The following MAPK10 variants were observed in gnomAD, a reference collection of about 807,000 sequenced individuals.
The protein encoded by MAPK10 is JNK3 alpha protein kinase.
MAPK10 carries 25 observed loss-of-function variants against 59.3 expected under a neutral mutation model. The ratio of observed to expected loss-of-function variants is 0.42; its 90% confidence interval spans 0.31 to 0.59. The LOEUF is 0.59. MAPK10 is among the 20% of genes least tolerant of loss of function. The probability of loss-of-function intolerance (pLI) is 0.15; values close to 1 mark genes in which losing one functional copy is unlikely to be tolerated. For missense variants in MAPK10, 351 were observed against 568.9 expected (o/e 0.62, Z 3.90); for synonymous variants, 190 against 200.5 (o/e 0.95, Z 0.44).
chr4:86,444,738 C>A (rs1366717744), intron 1 of MAPK10, among the ~76,000 whole-genome samples: 1 of 151,448 alleles, frequency 6.6e-6, no homozygotes. Flanking sequence ...AAAAACAACC[C>A]TATCAAAAAG....
Position 86,413,811 on chromosome 4 carries a change from G to A in MAPK10, c.-122+39219C>T, listed in dbSNP as rs556840455. Among the ~76,000 whole-genome samples the A allele has an allele frequency of 1.7e-3, 264 of 152,260 alleles. 2 individuals are homozygous for A. Among genetic ancestry groups the A allele is most frequent in the Non-Finnish European group, 3.2e-3 (220 of 68,032 alleles). ...GGTCAGGAGTGTACCATTTCTCCAG[G>A]TACAGTCTGTCATGGCTTCCCTTGG... On this transcript the variant is annotated intron_variant, in intron 1 of 13. Coordinates refer to the MAPK10 transcript ENST00000361569.
chr4:86,333,668 A>G (rs1466340888), intron 2 of MAPK10, among the ~76,000 whole-genome samples: 1 of 152,120 alleles, frequency 6.6e-6, no homozygotes, highest in African/African-American at 2.4e-5. Flanking sequence ...AAAGCCCACA[A>G]TCTCTGAAGC....
At chr4:86,184,866 ATTTC>A in intron 3 of MAPK10, among the ~76,000 whole-genome samples, 1 of 152,220 alleles carries the variant, frequency 6.6e-6, no homozygotes, top group East Asian at 1.9e-4. Context: ...AGCCTCAAGT[ATTTC>A]TTTATAGCAT....
rs578142700 is a variant in MAPK10 at position 86,538,447 on chromosome 4, T to C, written c.-263+55463A>G. The stretch of plus-strand genomic sequence containing the variant: ...AGGTGTGAGCCACCGCACCCGGCCC[T>C]GAGCCACTGCGCCCGGTCCAATAAA... On this transcript the variant is annotated intron_variant, in intron 1 of 4. Transcript: ENST00000502302. 7.0e-4 allele frequency among the ~76,000 whole-genome samples: 107 copies of C among 152,140 alleles called. 4 individuals are homozygous for C. The highest frequency in any genetic ancestry group is 1.9e-4 in the Non-Finnish European group (13 of 67,990).
At position 86,178,179 on chromosome 4, in the gene MAPK10, A is replaced by G. The variant is rs374933596; in HGVS notation, c.66+16157T>C. 1.7e-4 allele frequency among the ~76,000 whole-genome samples: 26 copies of G among 152,244 alleles called. No homozygotes were observed. In the East Asian group the frequency reaches 4.1e-3, roughly 24 times the overall value. On this transcript the variant is annotated intron_variant, in intron 3 of 13. Transcript: ENST00000641462. ...AAAACCTTTTTCCCCCTACTGGTCC[A>G]AAAGTATCTTAGGTTCCTTTGCATT... is the stretch of plus-strand genomic sequence containing the variant.
intron 11 of MAPK10, among the ~76,000 whole-genome samples, chr4:86,052,369 T>C (rs1191151309): frequency 2.0e-5 from 3 of 152,124 alleles, no homozygotes. Context: ...TTTACTAGAC[T>C]CATGATTTTC....
chr4:86,350,846 G>A (rs1447161240), intron 2 of MAPK10, among the ~76,000 whole-genome samples: 1 of 152,104 alleles, frequency 6.6e-6, no homozygotes, highest in African/African-American at 2.4e-5. Flanking sequence ...TGATGATGAG[G>A]ACCTAAATTA....
chr4:86,408,372 T>C (rs1376336955), intron 1 of MAPK10, among the ~76,000 whole-genome samples: 1 of 152,148 alleles, frequency 6.6e-6, no homozygotes, highest in East Asian at 1.9e-4. Flanking sequence ...CATGTGCACA[T>C]GTCTTTATAG....
chr4:86,188,101 G>C (rs1401240578), intron 3 of MAPK10, among the ~76,000 whole-genome samples: 2 of 152,152 alleles, frequency 1.3e-5, no homozygotes, highest in Non-Finnish European at 2.9e-5. Flanking sequence ...TGGCTGCGTA[G>C]TATTCCATGG....
At chr4:86,491,104 G>A (rs956649478) in intron 1 of MAPK10, among the ~76,000 whole-genome samples, 1 of 152,214 alleles carries the variant, frequency 6.6e-6, no homozygotes, top group Non-Finnish European at 1.5e-5. Flanking sequence ...ATGCATGGGA[G>A]ACATGAGTTG....
intron 4 of MAPK10, among the ~76,000 whole-genome samples, chr4:86,116,918 T>C (rs898649622): frequency 2.0e-5 from 3 of 152,246 alleles, no homozygotes; most frequent in Non-Finnish European, 4.4e-5. Flanking sequence ...AGATTCATTA[T>C]GTAGGACAGG....
intron 4 of MAPK10, among the ~76,000 whole-genome samples, chr4:86,112,979 CT>C (rs532811754): frequency 0.017 from 2,428 of 145,852 alleles, 31 homozygotes; most frequent in East Asian, 0.06. Flanking sequence ...CCTTCTTTGT[CT>C]TTTTTTTTTT....
intron 4 of MAPK10, among the ~76,000 whole-genome samples, chr4:86,136,033 T>A (rs1279511373): frequency 6.6e-6 from 1 of 152,152 alleles, no homozygotes; most frequent in Admixed American, 6.5e-5. Flanking sequence ...TATGGGACTA[T>A]GTGAAAAGAC....
intron 1 of MAPK10, among the ~76,000 whole-genome samples, chr4:86,584,864 G>A (rs1762552507): frequency 6.6e-6 from 1 of 152,132 alleles, no homozygotes; most frequent in South Asian, 2.1e-4. Flanking sequence ...GCTGCTATTG[G>A]TGAAGAGAAG....
At chr4:86,235,214 G>C (rs2092090036) in intron 2 of MAPK10, among the ~76,000 whole-genome samples, 3 of 152,274 alleles carry the variant, frequency 2.0e-5, no homozygotes, top group South Asian at 4.2e-4. Flanking sequence ...CCCCAAAAGA[G>C]AGAACTTTTA....
At chr4:86,398,329 A>G (rs1157458721) in intron 1 of MAPK10, among the ~76,000 whole-genome samples, 1 of 152,214 alleles carries the variant, frequency 6.6e-6, no homozygotes. Flanking sequence ...TCAGGGTTCT[A>G]AGGGAACCAA....
intron 4 of MAPK10, among the ~76,000 whole-genome samples, chr4:86,110,978 C>T (rs2057386160): frequency 6.6e-6 from 1 of 151,968 alleles, no homozygotes; most frequent in African/African-American, 2.4e-5. Flanking sequence ...GTATTTTATT[C>T]TCTTTGTAGC....
chr4:86,105,237 A>G (rs1371293167), intron 5 of MAPK10, among the ~76,000 whole-genome samples: 1 of 152,144 alleles, frequency 6.6e-6, no homozygotes, highest in Non-Finnish European at 1.5e-5. Flanking sequence ...CCACAGTATT[A>G]ACACAGTTCT....
chr4:86,575,104 G>A (rs909008713), intron 1 of MAPK10, among the ~76,000 whole-genome samples: 3 of 152,180 alleles, frequency 2.0e-5, no homozygotes, highest in African/African-American at 7.2e-5. Context: ...ACAGAGGAAA[G>A]AGAAACTCCC....
Sources: allele counts gnomAD v4.1 joint callset (sites outside exome capture counted in the v4.1 genomes callset), GRCh38; gene constraint gnomAD v4.1.1; transcripts MANE v1.5; gene names NCBI Gene and HGNC (gene_info 2026-07-23, HGNC 2026-07-21).